EPHX4: variants seen among roughly 807,000 people sequenced by gnomAD.
EPHX4 encodes the protein epoxide hydrolase 4, also known as abhydrolase domain containing 7.
In EPHX4, 31 loss-of-function variants were observed where a neutral mutation model predicts 44.9. The observed-to-expected ratio is 0.69, with a 90% CI of 0.52 to 0.93. The LOEUF is 0.93. EPHX4 is among the 40% of genes least tolerant of loss of function. The pLI, the probability that EPHX4 is intolerant of heterozygous loss-of-function variation, is 0.00. For missense variants in EPHX4, 373 were observed against 438.1 expected, an observed-to-expected ratio of 0.85 and a Z score of 1.33; for synonymous variants, 151 against 159.7, an observed-to-expected ratio of 0.95 and a Z score of 0.41.
intron 4 of EPHX4, 150 bp from the exon 5 acceptor site, chr1:92,050,167 A>G: frequency 1.7e-6 from 1 of 584,666 alleles, no homozygotes; most frequent in Admixed American, 3.5e-5. Flanking sequence ...TACTCAAGAT[A>G]TAAGAGCATA....
intron 5 of EPHX4, among the ~76,000 whole-genome samples, chr1:92,051,722 A>G (rs1647258817): frequency 6.6e-6 from 1 of 152,242 alleles, no homozygotes; most frequent in South Asian, 2.1e-4. Context: ...TAATGCTAAC[A>G]GTGATCAGTG....
chr1:92,041,274 A>T (rs1244880618), intron 2 of EPHX4, among the ~76,000 whole-genome samples: 1 of 152,126 alleles, frequency 6.6e-6, no homozygotes, highest in Non-Finnish European at 1.5e-5. Context: ...GCTTATTCTC[A>T]TGGTTCAGGA....
chr1:92,048,854 G>A (rs1490684147), intron 4 of EPHX4, among the ~76,000 whole-genome samples: 1 of 151,692 alleles, frequency 6.6e-6, no homozygotes, highest in African/African-American at 2.4e-5. Context: ...CAAGTAGCTG[G>A]GACTACAGGC....
rs116306956 is a variant in EPHX4, at chr1:92,061,181, T to C, written c.858-1874T>C. Among the ~76,000 whole-genome samples, 471 of 152,204 alleles carry C rather than the reference T, an allele frequency of 3.1e-3. 3 individuals carry two copies. The highest frequency in any genetic ancestry group is 0.011 in the African/African-American group (456 of 41,540). On this transcript the variant is annotated intron_variant, in intron 6 of 6. Coordinates refer to ENST00000370383, the MANE Select transcript of EPHX4 (RefSeq NM_173567.5). The stretch of plus-strand genomic sequence containing the variant: ...TGAGCCACCGTGCCCGGCTCTAAAG[T>C]TTGTATTCTAACCCATCAGTTAGTA...
At chr1:92,036,909 T>C (rs1187740936) in intron 2 of EPHX4, among the ~76,000 whole-genome samples, 1 of 152,140 alleles carries the variant, frequency 6.6e-6, no homozygotes, top group Non-Finnish European at 1.5e-5. Context: ...ATTGCCACTG[T>C]TACCCATTAT....
rs1221807851 is a variant in EPHX4 at position 92,052,629 on chromosome 1, C to T, written c.828C>T (p.Gly276=). ...TTTCTCAGCCTGGAGCATTAAGTGG[C>T]CCAATTAACCATTACCGAAATATCT... The part of the protein sequence containing the change: ...YVFSQPGALS[G]PINHYRNIFS... Residue 276 remains glycine, a synonymous_variant, in exon 6 of 7, where the codon GGC becomes GGT. Transcript: ENST00000370383. 6.2e-7 allele frequency: 1 copy of T among 1,608,134 alleles called. No homozygotes were observed. Among genetic ancestry groups the T allele is most frequent in the African/African-American group, 1.3e-5 (1 of 74,542 alleles).
Position 92,032,415 on chromosome 1 carries a change from T to C in EPHX4, c.232-90T>C, listed in dbSNP as rs1688374570. 60 of 950,668 alleles carry C rather than the reference T, an allele frequency of 6.3e-5. 1 individual carries two copies. The South Asian group carries it at 8.5e-4, about 13-fold the overall frequency. 58.9% of individuals were successfully genotyped at this position (950,668 alleles called of 1,614,324 possible). On this transcript the variant is annotated intron_variant, in intron 1 of 6. Coordinates refer to ENST00000370383, the MANE Select transcript of EPHX4 (RefSeq NM_173567.5). ...ACAAATGTTTTAAAATAAGGCAAGT[T>C]ACTATTTTTTTAATGAAATGGAAAT...
rs572767412 is a variant in EPHX4, at chr1:92,053,943, G to A, written c.857+1285G>A. On this transcript the variant is annotated intron_variant, in intron 6 of 6. Transcript: ENST00000370383. The stretch of plus-strand genomic sequence containing the variant: ...TATATAAGATCTGGGAGTCACTGAC[G>A]TAGAGACAAGCTTTGGTTTTAGAAC... Among the ~76,000 whole-genome samples, 162 of 152,240 alleles carry A rather than the reference G, an allele frequency of 1.1e-3. 1 individual carries two copies. The highest frequency in any genetic ancestry group is 3.2e-3 in the African/African-American group (131 of 41,548).
chr1:92,034,275 G>A (rs901169723), intron 2 of EPHX4, among the ~76,000 whole-genome samples: 1 of 143,778 alleles, frequency 7.0e-6, no homozygotes, highest in Non-Finnish European at 1.5e-5. Context: ...ACTCCAGCCT[G>A]GGCAACAGAG....
chr1:92,037,533 C>A (rs768535526), intron 2 of EPHX4, among the ~76,000 whole-genome samples: 32 of 152,072 alleles, frequency 2.1e-4, no homozygotes, highest in Non-Finnish European at 3.5e-4. Flanking sequence ...ATATTTTGAG[C>A]TGAGGCAGGC....
chr1:92,052,622 T>C lies in EPHX4; in HGVS notation c.821T>C (p.Leu274Ser). 6.2e-7 allele frequency: 1 copy of C among 1,611,278 alleles called. No homozygotes were observed. Among genetic ancestry groups the C allele is most frequent in the Non-Finnish European group, 8.5e-7 (1 of 1,179,260 alleles). The change falls in exon 6 of 7, where the codon TTA becomes TCA. Residue 274 changes from leucine (L) to serine (S), a missense_variant. Physicochemically the swap from Leu to Ser is moderately radical, Grantham distance 145. Transcript: ENST00000370383. ...TATGTCTTTTCTCAGCCTGGAGCAT[T>C]AAGTGGCCCAATTAACCATTACCGA... ...YIYVFSQPGA[L>S]SGPINHYRNI...
At chr1:92,040,342 ATT>A (rs11316919) in intron 2 of EPHX4, among the ~76,000 whole-genome samples, 10,492 of 121,118 alleles carry the variant, frequency 0.087, 384 homozygotes, top group Middle Eastern at 0.1. Flanking sequence ...TACTTAGCAA[ATT>A]TTTTTTTTTT....
chr1:92,048,566 A>G (rs910317700), intron 4 of EPHX4, among the ~76,000 whole-genome samples: 1 of 152,218 alleles, frequency 6.6e-6, no homozygotes, highest in Non-Finnish European at 1.5e-5. Context: ...TGCAAAAACT[A>G]TAGTATAACA....
intron 2 of EPHX4, 31 bp downstream of exon 2, chr1:92,032,621 A>G (rs779051417): frequency 2.6e-6 from 4 of 1,566,792 alleles, no homozygotes; most frequent in Admixed American, 1.7e-5. Context: ...TTATTGTTAC[A>G]TTAAAACTTG....
chr1:92,030,749 G>A lies in EPHX4; in HGVS notation c.231+439G>A, dbSNP rs965886747. Among the ~76,000 whole-genome samples the A allele has an allele frequency of 3.3e-5, 5 of 152,030 alleles. No homozygotes were observed. In the East Asian group the frequency reaches 9.7e-4, roughly 29 times the overall value. On this transcript the variant is annotated intron_variant, in intron 1 of 6. Transcript: ENST00000370383. ...CCTAATGTCTCAGGAGGCTGTTCTT[G>A]CCCAATTTTAGAGATAATAAGAGTA...
intron 2 of EPHX4, among the ~76,000 whole-genome samples, chr1:92,034,596 T>G (rs1688409800): frequency 6.6e-6 from 1 of 151,908 alleles, no homozygotes; most frequent in African/African-American, 2.4e-5. Context: ...CTCAAAATCC[T>G]GATTTAAAAT....
At chr1:92,030,490 G>GT (rs1383490491) in intron 1 of EPHX4, among the ~76,000 whole-genome samples, 180 bp downstream of exon 1, 6 of 127,752 alleles carry the variant, frequency 4.7e-5, no homozygotes, top group South Asian at 2.5e-4. Context: ...GTGTGTGAGA[G>GT]AGAGAGAGAG....
chr1:92,035,210 T>C (rs1159930884), intron 2 of EPHX4, among the ~76,000 whole-genome samples: 3 of 152,204 alleles, frequency 2.0e-5, no homozygotes, highest in African/African-American at 7.2e-5. Context: ...GGAGACAGCT[T>C]AATGAGGTGG....
intron 2 of EPHX4, among the ~76,000 whole-genome samples, chr1:92,032,922 C>A (rs1286856165): frequency 1.3e-5 from 2 of 152,098 alleles, no homozygotes; most frequent in Admixed American, 6.6e-5. Context: ...AATACTGTTA[C>A]AATGGCAATT....
Sources: gnomAD v4.1 joint callset for allele counts (sites outside exome capture counted in the v4.1 genomes callset) on GRCh38, gnomAD v4.1.1 for gene constraint, MANE v1.5 for transcripts, NCBI Gene and HGNC (gene_info 2026-07-23, HGNC 2026-07-21) for gene names.